ELOVL7: variants seen among roughly 807,000 people sequenced by gnomAD.
The protein encoded by ELOVL7 is ELOVL fatty acid elongase 7, also known as very long chain fatty acid elongase 7.
A neutral mutation model predicts 35.7 loss-of-function variants in ELOVL7; 27 were observed. The ratio of observed to expected loss-of-function variants is 0.76; its 90% CI spans 0.56 to 1.04. The LOEUF (loss-of-function observed/expected upper bound fraction) is 1.04. ELOVL7 is among the 50% of genes least tolerant of loss of function. The pLI is 0.00. For synonymous variants in ELOVL7, 113 were observed against 114.6 expected, an observed-to-expected ratio of 0.99 and a Z score of 0.09; for missense variants, 327 against 340.8, an observed-to-expected ratio of 0.96 and a Z score of 0.32.
At position 60,752,175 on chromosome 5, in the gene ELOVL7, T is replaced by C. The variant is rs1040847839; in HGVS notation, c.*2449A>G. The C allele has an allele frequency of 3.3e-5, 5 of 152,182 alleles. No individual in the cohort carries two copies. The highest frequency in any genetic ancestry group is 1.2e-4 in the African/African-American group (5 of 41,436). 9.4% of individuals were successfully genotyped at this position (152,182 alleles called of 1,614,324 possible). A position where few individuals can be genotyped will look rare whatever the true frequency, so the allele number is the denominator to read the frequency against. On this transcript the variant is annotated 3_prime_UTR_variant, in exon 9 of 9. Coordinates refer to ENST00000508821, the MANE Select transcript of ELOVL7 (RefSeq NM_024930.3). ...CCACACAGAACTCTTTTAATAAATA[T>C]GGCCCATACAAATTCCATATCCAGT...
chr5:60,821,938 A>G (rs966443467), intron 1 of ELOVL7, among the ~76,000 whole-genome samples: 26 of 152,248 alleles, frequency 1.7e-4, no homozygotes, highest in African/African-American at 6.0e-4. Flanking sequence ...TAGGGAAAAA[A>G]AGAAAAAAAC....
intron 1 of ELOVL7, among the ~76,000 whole-genome samples, chr5:60,834,347 G>A (rs561210852): frequency 9.9e-5 from 15 of 152,054 alleles, no homozygotes; most frequent in Non-Finnish European, 1.3e-4. Context: ...GGGTTTCACC[G>A]TGTTAGCCAG....
At chr5:60,824,927 T>G (rs1746083933) in intron 1 of ELOVL7, among the ~76,000 whole-genome samples, 1 of 151,906 alleles carries the variant, frequency 6.6e-6, no homozygotes, top group African/African-American at 2.4e-5. Flanking sequence ...CCTGACTACC[T>G]CTCTGACCTC....
At chr5:60,797,477 A>G (rs1360514707) in intron 2 of ELOVL7, among the ~76,000 whole-genome samples, 1 of 152,234 alleles carries the variant, frequency 6.6e-6, no homozygotes, top group Non-Finnish European at 1.5e-5. Flanking sequence ...GCACTTAGCC[A>G]TACAGAACAC....
chr5:60,829,423 TAATA>T (rs1171704098), intron 1 of ELOVL7, among the ~76,000 whole-genome samples: 1 of 152,202 alleles, frequency 6.6e-6, no homozygotes, highest in Non-Finnish European at 1.5e-5. Flanking sequence ...CATATATTAT[TAATA>T]TAGTCAAAAA....
At chr5:60,817,832 G>A (rs1008247701) in intron 1 of ELOVL7, among the ~76,000 whole-genome samples, 15 of 138,430 alleles carry the variant, frequency 1.1e-4, no homozygotes, top group South Asian at 2.4e-4. Flanking sequence ...GTATATATAT[G>A]TGTGTGTGTG....
intron 3 of ELOVL7, among the ~76,000 whole-genome samples, chr5:60,780,791 G>A (rs1252871982): frequency 2.6e-5 from 4 of 152,048 alleles, no homozygotes; most frequent in Non-Finnish European, 4.4e-5. Context: ...GGGGAACTGC[G>A]CCCATGATTC....
intron 1 of ELOVL7, among the ~76,000 whole-genome samples, chr5:60,828,822 G>A (rs191282802): frequency 4.1e-4 from 63 of 152,206 alleles, no homozygotes; most frequent in Admixed American, 2.7e-3. Flanking sequence ...CTTAGACTCC[G>A]TATCATCCTA....
At chr5:60,763,340 C>T (rs1742037134) in intron 7 of ELOVL7, among the ~76,000 whole-genome samples, 1 of 152,186 alleles carries the variant, frequency 6.6e-6, no homozygotes, top group Non-Finnish European at 1.5e-5. Flanking sequence ...AGATATTTTT[C>T]CTCCATGTTT....
At position 60,810,424 on chromosome 5, in the gene ELOVL7, T is replaced by G. The variant is rs146617395; in HGVS notation, c.-85-11194A>C. Among the ~76,000 whole-genome samples the G allele has an allele frequency of 1.1e-4, 16 of 152,346 alleles. 1 individual carries two copies. In the East Asian group the frequency reaches 3.1e-3, roughly 29 times the overall value. On this transcript the variant is annotated intron_variant, in intron 1 of 8. Transcript: ENST00000508821. ...ATGTGGATTTTTCTAAGCCCACTGC[T>G]TATCTAAATTTCTGCTTAAAAAGCT... is the stretch of plus-strand genomic sequence containing the variant.
At chr5:60,807,250 C>A (rs1460743636) in intron 1 of ELOVL7, among the ~76,000 whole-genome samples, 1 of 151,816 alleles carries the variant, frequency 6.6e-6, no homozygotes, top group Non-Finnish European at 1.5e-5. Flanking sequence ...GATAAAAATG[C>A]CTTAAAGGGA....
intron 7 of ELOVL7, among the ~76,000 whole-genome samples, chr5:60,762,805 T>C (rs1742007990): frequency 6.6e-6 from 1 of 152,318 alleles, no homozygotes; most frequent in South Asian, 2.1e-4. Flanking sequence ...AGGATCCTCA[T>C]TTTAGGACAT....
At chr5:60,767,256 T>G (rs1415465969) in intron 5 of ELOVL7, among the ~76,000 whole-genome samples, 1 of 151,992 alleles carries the variant, frequency 6.6e-6, no homozygotes, top group Non-Finnish European at 1.5e-5. Context: ...TGCCATGCCC[T>G]GCTAAGTTTT....
At chr5:60,805,967 G>T (rs1353546997) in intron 1 of ELOVL7, among the ~76,000 whole-genome samples, 1 of 152,202 alleles carries the variant, frequency 6.6e-6, no homozygotes. Flanking sequence ...AACATTGTAT[G>T]TTAAAGTCCT....
At chr5:60,804,338 C>T (rs545307166) in intron 1 of ELOVL7, among the ~76,000 whole-genome samples, 2 of 152,096 alleles carry the variant, frequency 1.3e-5, no homozygotes, top group Non-Finnish European at 2.9e-5. Flanking sequence ...ATTGGAGAGA[C>T]AGGGCAAACT....
At chr5:60,831,542 A>C (rs1746479215) in intron 1 of ELOVL7, among the ~76,000 whole-genome samples, 2 of 152,166 alleles carry the variant, frequency 1.3e-5, no homozygotes, top group African/African-American at 4.8e-5. Context: ...TCATCAGGAG[A>C]ATCTTATTAG....
intron 3 of ELOVL7, among the ~76,000 whole-genome samples, chr5:60,774,053 A>G (rs1742758382): frequency 6.6e-6 from 1 of 152,250 alleles, no homozygotes; most frequent in Non-Finnish European, 1.5e-5. Flanking sequence ...GTGGTCAGAC[A>G]TACAAAGAAG....
chr5:60,781,170 C>T (rs1743230106), intron 3 of ELOVL7, among the ~76,000 whole-genome samples: 1 of 149,642 alleles, frequency 6.7e-6, no homozygotes, highest in South Asian at 2.1e-4. Context: ...GAGATCATGC[C>T]ATTGCACTCC....
At chr5:60,782,840 T>C (rs1743343748) in intron 3 of ELOVL7, among the ~76,000 whole-genome samples, 1 of 152,154 alleles carries the variant, frequency 6.6e-6, no homozygotes, top group African/African-American at 2.4e-5. Flanking sequence ...AAGTTTCAGT[T>C]CAACAGAAGA....
Sources: allele counts gnomAD v4.1 joint callset (sites outside exome capture counted in the v4.1 genomes callset), GRCh38; gene constraint gnomAD v4.1.1; transcripts MANE v1.5; gene names NCBI Gene and HGNC (gene_info 2026-07-23, HGNC 2026-07-21).